The following ACACB variants were observed in gnomAD, a reference collection of about 807,000 sequenced individuals.
The protein encoded by ACACB is acetyl-CoA carboxylase 2.
A neutral mutation model predicts 278.8 loss-of-function variants in ACACB; 209 were observed. The ratio of observed to expected loss-of-function variants is 0.75; its 90% CI spans 0.67 to 0.84. The LOEUF is 0.84. Among genes scored for constraint, ACACB ranks in the 40% least tolerant of loss-of-function variants. ACACB has a pLI of 0.00. For synonymous variants in ACACB, 1,174 were observed against 1,285.6 expected (o/e 0.91, Z 1.86); for missense variants, 2,850 against 3,269.0 (o/e 0.87, Z 3.13).
intron 33 of ACACB, chr12:109,236,139 G>A (rs2046627371): frequency 6.4e-6 from 1 of 155,968 alleles, no homozygotes; most frequent in South Asian, 2.0e-4. Context: ...CCAGCTCCCT[G>A]GCATCTTTGA....
intron 24 of ACACB, among the ~76,000 whole-genome samples, chr12:109,222,095 G>C (rs191070897): frequency 4.0e-5 from 6 of 151,702 alleles, no homozygotes; most frequent in Admixed American, 3.9e-4. Flanking sequence ...GTTTTGCGCT[G>C]TTGCCCAGGC....
chr12:109,243,001 G>C (rs561724083), intron 37 of ACACB, among the ~76,000 whole-genome samples: 1 of 152,262 alleles, frequency 6.6e-6, no homozygotes, highest in South Asian at 2.1e-4. Context: ...TGAAGAAAAA[G>C]AAATGAATGT....
intron 37 of ACACB, among the ~76,000 whole-genome samples, chr12:109,245,204 A>G (rs1345907342): frequency 6.6e-6 from 1 of 152,080 alleles, no homozygotes; most frequent in Non-Finnish European, 1.5e-5. Context: ...TTGCGGAAGG[A>G]TGTGTACAGT....
chr12:109,123,655 T>C (rs2042606233), intron 1 of ACACB, among the ~76,000 whole-genome samples: 2 of 149,772 alleles, frequency 1.3e-5, no homozygotes, highest in Admixed American at 1.3e-4. Context: ...ATTGTGCCAC[T>C]ACACTCCAGC....
At chr12:109,213,467 C>G (rs564614237) in intron 22 of ACACB, among the ~76,000 whole-genome samples, 1 of 152,190 alleles carries the variant, frequency 6.6e-6, no homozygotes, top group African/African-American at 2.4e-5. Context: ...TGATAAAACA[C>G]TGCAAAAATT....
chr12:109,126,402 A>G (rs2042680205), intron 1 of ACACB, among the ~76,000 whole-genome samples: 1 of 152,170 alleles, frequency 6.6e-6, no homozygotes, highest in African/African-American at 2.4e-5. Flanking sequence ...TTTGATCTGA[A>G]CCAGGCATGG....
At position 109,241,187 on chromosome 12, in the gene ACACB, G is replaced by A; in HGVS notation, c.4928G>A (p.Ser1643Asn). The change falls in exon 36 of 53, where the codon AGT (serine) becomes AAT (asparagine). Residue 1643 changes from serine to asparagine, a missense_variant. By Grantham distance (46) the Ser-to-Asn change is conservative. This residue lies in a region of ACACB where 2,265 missense variants were observed against 2,561.3 expected (regional missense o/e 0.88). Coordinates refer to ENST00000338432, the MANE Select transcript of ACACB (RefSeq NM_001093.4). ...AACATCCGCCAGACCACCACCGGCA[G>A]TGCCGTTCCCATCCGCCTGTTCATC... ...KINIRQTTTG[S>N]AVPIRLFITN... 1.2e-6 allele frequency: 2 copies of A among 1,614,224 alleles called. No homozygotes were observed. Among genetic ancestry groups the A allele is most frequent in the Non-Finnish European group, 1.7e-6 (2 of 1,180,050 alleles).
rs1156780467 is a variant in ACACB, at chr12:109,174,175, C to T, written c.1161C>T (p.Ala387=). 2 of 1,613,440 alleles carry T rather than the reference C, an allele frequency of 1.2e-6. No individual in the cohort carries two copies. The highest frequency in any genetic ancestry group is 8.5e-7 in the Non-Finnish European group (1 of 1,179,780). Residue 387 remains alanine (A), a synonymous_variant, in exon 7 of 53, where the codon GCC becomes GCT. Coordinates refer to ENST00000338432, the MANE Select transcript of ACACB (RefSeq NM_001093.4). The part of the protein sequence containing the change: ...EAMWALGDKI[A]STVVAQTLQV... ...TGTGGGCCTTAGGAGATAAGATCGC[C>T]TCCACCGTTGTCGCCCAGACGCTAC...
chr12:109,254,227 C>G lies in ACACB; in HGVS notation c.6059C>G (p.Pro2020Arg). The change falls in exon 44 of 53, where the codon CCT becomes CGT. Residue 2020 changes from proline to arginine, a missense_variant. Coordinates refer to ENST00000338432, the MANE Select transcript of ACACB (RefSeq NM_001093.4). ...TTTCTTTTTTAGGATAATCACAGCC[C>G]TGTCCCTATCATCACACCCACTGAC... ...LSYMPKDNHS[P>R]VPIITPTDPI... is the part of the protein sequence containing the mutation. 6.2e-7 allele frequency: 1 copy of G among 1,613,896 alleles called. No individual in the cohort carries two copies.
rs114341163 is a variant in ACACB at position 109,159,020 on chromosome 12, G to A, written c.654-7841G>A. On this transcript the variant is annotated intron_variant, in intron 2 of 52. Coordinates refer to ENST00000338432, the MANE Select transcript of ACACB (RefSeq NM_001093.4). Reference sequence around the variant, plus strand: ...AAAAACAATCTAAAAAGTTAAAACCGCTCTTAGCCTGTGGGAGATACAAAA... The same window carrying A: ...AAAAACAATCTAAAAAGTTAAAACCACTCTTAGCCTGTGGGAGATACAAAA... Among the ~76,000 whole-genome samples, 759 of 152,114 alleles carry A rather than the reference G, an allele frequency of 5.0e-3. 11 individuals are homozygous for A. The highest frequency in any genetic ancestry group is 0.017 in the African/African-American group (699 of 41,528).
At chr12:109,142,659 C>T (rs575717275) in intron 2 of ACACB, among the ~76,000 whole-genome samples, 1 of 152,226 alleles carries the variant, frequency 6.6e-6, no homozygotes, top group East Asian at 1.9e-4. Context: ...CTCTGCCTCC[C>T]GGGTTCAAGC....
intron 24 of ACACB, among the ~76,000 whole-genome samples, chr12:109,220,822 A>G (rs575057350): frequency 4.1e-4 from 63 of 152,276 alleles, no homozygotes; most frequent in African/African-American, 1.5e-3. Context: ...CCCAAAGTGC[A>G]GGGATTACAG....
At chr12:109,216,450 G>A (rs1294413387) in intron 22 of ACACB, among the ~76,000 whole-genome samples, 168 bp from the exon 23 acceptor site, 1 of 151,466 alleles carries the variant, frequency 6.6e-6, no homozygotes, top group Non-Finnish European at 1.5e-5. Flanking sequence ...TCGATCTCTT[G>A]ACCTCGTGAT....
In ACACB at chr12:109,119,266, C is replaced by T. The variant is rs374767004; in HGVS notation, c.-10+2562C>T. Among the ~76,000 whole-genome samples the T allele has an allele frequency of 4.6e-5, 7 of 152,138 alleles. No individual in the cohort carries two copies. In the East Asian group the frequency reaches 1.4e-3, roughly 29 times the overall value. Reference sequence around the variant, plus strand: ...CATACCTTAGCCACTCTGACCCTTGCTGGGGCCCCAGAAAACAACTACACA... The same window carrying T: ...CATACCTTAGCCACTCTGACCCTTGTTGGGGCCCCAGAAAACAACTACACA... On this transcript the variant is annotated intron_variant, in intron 1 of 52. Coordinates refer to ENST00000338432, the MANE Select transcript of ACACB (RefSeq NM_001093.4).
At chr12:109,208,710 A>G (rs932802684) in intron 20 of ACACB, among the ~76,000 whole-genome samples, 11 of 152,160 alleles carry the variant, frequency 7.2e-5, no homozygotes, top group African/African-American at 2.4e-4. Flanking sequence ...GCTTCTTACT[A>G]GCTGAGTGAC....
At chr12:109,118,713 C>T (rs543914715) in intron 1 of ACACB, among the ~76,000 whole-genome samples, 1 of 152,338 alleles carries the variant, frequency 6.6e-6, no homozygotes, top group South Asian at 2.1e-4. Context: ...TGCACCCGGC[C>T]TGGAATACCT....
rs761704687 is a variant in ACACB, at chr12:109,210,035, GTA to G, written c.3249+686_3249+687del. 8.1e-5 allele frequency among the ~76,000 whole-genome samples: 9 copies of G among 111,178 alleles called. 2 individuals are homozygous for G. Among genetic ancestry groups the G allele is most frequent in the African/African-American group, 1.7e-4 (5 of 28,934 alleles). 72.9% of individuals were successfully genotyped at this position (111,178 alleles called of 152,430 possible). The stretch of plus-strand genomic sequence containing the variant: ...TATATACACACGTGTGTATATATGT[GTA>G]TATGTGTATATATACACACACGTGT... On this transcript the variant is annotated intron_variant, in intron 21 of 52. Transcript: ENST00000338432.
chr12:109,125,726 A>G (rs1469028102), intron 1 of ACACB: 3 of 152,228 alleles, frequency 2.0e-5, no homozygotes, highest in Non-Finnish European at 4.4e-5. Flanking sequence ...TTATCATTGT[A>G]TACATGAGAA....
chr12:109,218,948 G>T (rs1429090118), intron 24 of ACACB, among the ~76,000 whole-genome samples: 2 of 151,642 alleles, frequency 1.3e-5, no homozygotes, highest in African/African-American at 4.8e-5. Flanking sequence ...TGTGTTTTTA[G>T]TAGAGACGTG....
Sources: allele counts gnomAD v4.1 joint callset (sites outside exome capture counted in the v4.1 genomes callset), GRCh38; gene constraint gnomAD v4.1.1; regional missense constraint gnomAD v4.1.1; transcripts MANE v1.5; gene names NCBI Gene and HGNC (gene_info 2026-07-23, HGNC 2026-07-21).